The following PLBD1 variants were observed in gnomAD, a reference collection of about 807,000 sequenced individuals.
The protein encoded by PLBD1 is lysosomal leucine aminopeptidase.
Under a neutral mutation model 63.0 loss-of-function variants are expected in PLBD1, and 60 were observed. The ratio of observed to expected loss-of-function variants is 0.95; its 90% CI spans 0.77 to 1.18. The LOEUF (loss-of-function observed/expected upper bound fraction) is 1.18, where lower values mean the gene tolerates loss of function less well. PLBD1 is among the 50% of genes most tolerant of loss of function. The pLI is 0.00. For missense variants in PLBD1, 598 were observed against 677.9 expected (o/e 0.88, Z 1.31); for synonymous variants, 262 against 248.0 (o/e 1.06, Z -0.53).
chr12:14,561,264 T>C (rs11056028), intron 1 of PLBD1, among the ~76,000 whole-genome samples: 17,276 of 151,686 alleles, frequency 0.11, 1,461 homozygotes, highest in South Asian at 0.33. Context: ...AGATCTGGAA[T>C]GATCCCTTTC....
intron 2 of PLBD1, among the ~76,000 whole-genome samples, chr12:14,549,612 C>T (rs538265401): frequency 2.6e-4 from 40 of 152,266 alleles, no homozygotes; most frequent in African/African-American, 9.6e-4. Context: ...CCCCATTTGC[C>T]TTTTGAAACC....
At chr12:14,566,934 A>G (rs1945791698) in intron 1 of PLBD1, among the ~76,000 whole-genome samples, 4 of 152,174 alleles carry the variant, frequency 2.6e-5, no homozygotes, top group African/African-American at 9.7e-5. Context: ...GTCTCTACTA[A>G]TAATGCACAA....
chr12:14,516,981 G>A (rs1365664774), intron 6 of PLBD1, among the ~76,000 whole-genome samples: 1 of 152,120 alleles, frequency 6.6e-6, no homozygotes, highest in Non-Finnish European at 1.5e-5. Flanking sequence ...AGAGGTTGCA[G>A]TGAGCTGAGA....
chr12:14,507,223 G>A, intron 8 of PLBD1, 105 bp from the exon 9 acceptor site: 7 of 859,974 alleles, frequency 8.1e-6, no homozygotes, highest in South Asian at 5.5e-5. Flanking sequence ...TTTTGAAAAT[G>A]GGCACAGGCA....
At chr12:14,551,428 T>G (rs1945658587) in intron 2 of PLBD1, among the ~76,000 whole-genome samples, 1 of 152,234 alleles carries the variant, frequency 6.6e-6, no homozygotes, top group African/African-American at 2.4e-5. Context: ...GAATGGCTTT[T>G]TCTATAGATT....
intron 6 of PLBD1, among the ~76,000 whole-genome samples, chr12:14,534,789 A>C (rs1338335392): frequency 6.6e-6 from 1 of 151,962 alleles, no homozygotes; most frequent in Non-Finnish European, 1.5e-5. Context: ...TGATCCGCCC[A>C]CCTTGGCCTC....
chr12:14,514,514 G>T (rs913208783), intron 6 of PLBD1, among the ~76,000 whole-genome samples: 2 of 152,140 alleles, frequency 1.3e-5, no homozygotes, highest in African/African-American at 4.8e-5. Context: ...TTCATTTAAA[G>T]GCAAGATTCT....
chr12:14,560,567 G>A (rs887189764), intron 1 of PLBD1, among the ~76,000 whole-genome samples: 1 of 152,166 alleles, frequency 6.6e-6, no homozygotes, highest in Non-Finnish European at 1.5e-5. Context: ...CCTTGGCATT[G>A]CACTTGCCTT....
Position 14,567,583 on chromosome 12 carries a change from T to C in PLBD1, c.114A>G (p.Ala38=). 1 of 1,500,772 alleles carries C rather than the reference T, an allele frequency of 6.7e-7. No homozygotes were observed. The highest frequency in any genetic ancestry group is 8.8e-7 in the Non-Finnish European group (1 of 1,132,688). 93.0% of individuals were successfully genotyped at this position (1,500,772 alleles called of 1,614,324 possible). A position where few individuals can be genotyped will look rare whatever the true frequency, so the allele number is the denominator to read the frequency against. ...LLVTAEPPKP[A]GVYYATAYWM... ...CCGCCCAGGGCGCGCTCTGCTCACC[T>C]GCAGGTTTCGGCGGCTCCGCGGTGA... Residue 38 remains alanine (A), a splice_region_variant and synonymous_variant, in exon 1 of 11, where the codon GCA becomes GCG. Transcript: ENST00000240617.
chr12:14,513,379 G>T (rs1250724975), intron 6 of PLBD1, among the ~76,000 whole-genome samples: 2 of 152,038 alleles, frequency 1.3e-5, no homozygotes, highest in Non-Finnish European at 1.5e-5. Flanking sequence ...TAATGTTTTT[G>T]TTTTTTCCCA....
At chr12:14,520,735 G>T (rs1037025243) in intron 6 of PLBD1, among the ~76,000 whole-genome samples, 1 of 152,116 alleles carries the variant, frequency 6.6e-6, no homozygotes, top group Non-Finnish European at 1.5e-5. Context: ...AGTCAAGGTC[G>T]GTATGAAACC....
intron 6 of PLBD1, among the ~76,000 whole-genome samples, chr12:14,515,400 A>C (rs1945329575): frequency 6.6e-6 from 1 of 152,052 alleles, no homozygotes; most frequent in Non-Finnish European, 1.5e-5. Flanking sequence ...GAATCAAAGA[A>C]AGGTACTTAA....
intron 2 of PLBD1, among the ~76,000 whole-genome samples, chr12:14,545,194 C>T (rs919156407): frequency 1.3e-5 from 2 of 152,176 alleles, no homozygotes; most frequent in African/African-American, 4.8e-5. Context: ...CCACCCCACA[C>T]CCCCAAGCTT....
intron 2 of PLBD1, among the ~76,000 whole-genome samples, chr12:14,546,686 T>A (rs997437177): frequency 6.6e-6 from 1 of 152,144 alleles, no homozygotes; most frequent in African/African-American, 2.4e-5. Context: ...CAGAACAGCT[T>A]ACCACAGCAA....
chr12:14,545,889 T>C (rs796441134), intron 2 of PLBD1, among the ~76,000 whole-genome samples: 6 of 152,346 alleles, frequency 3.9e-5, no homozygotes, highest in African/African-American at 1.2e-4. Flanking sequence ...ATATAGTTTA[T>C]GCTGTCACAT....
chr12:14,553,375 T>C lies in PLBD1; in HGVS notation c.153A>G (p.Glu51=), dbSNP rs762329592. Residue 51 remains glutamate, a synonymous_variant, in exon 2 of 11, where the codon GAA becomes GAG. Transcript: ENST00000240617. Reference sequence around the variant, plus strand: ...TTACATTTTTGACTTGTACTGTCTTTTCAGCAGGCATCCAGTATGCAGTTG... The same window carrying C: ...TTACATTTTTGACTTGTACTGTCTTCTCAGCAGGCATCCAGTATGCAGTTG... ...YYATAYWMPA[E]KTVQVKNVMD... is the part of the protein sequence containing the mutation. The C allele has an allele frequency of 1.9e-6, 3 of 1,614,098 alleles. No individual in the cohort carries two copies. The African/African-American group carries it at 4.0e-5, about 22-fold the overall frequency.
chr12:14,506,366 G>GA lies in PLBD1; in HGVS notation c.1373-99dup, dbSNP rs1945256273. 3 of 840,732 alleles carry GA rather than the reference G, an allele frequency of 3.6e-6. No individual in the cohort carries two copies. The African/African-American group carries it at 5.1e-5, about 14-fold the overall frequency. 52.1% of individuals were successfully genotyped at this position (840,732 alleles called of 1,614,324 possible). A position where few individuals can be genotyped will look rare whatever the true frequency, so the allele number is the denominator to read the frequency against. The stretch of plus-strand genomic sequence containing the variant: ...AGGCCTGTTAAAGCCTAGATAATCA[G>GA]AGAGTGTACTCCCACAGGCCTCCTC... On this transcript the variant is annotated intron_variant, in intron 9 of 10. Coordinates refer to ENST00000240617, the MANE Select transcript of PLBD1 (RefSeq NM_024829.6).
intron 6 of PLBD1, among the ~76,000 whole-genome samples, chr12:14,525,717 A>G (rs7953270): frequency 3.2e-4 from 3 of 9,512 alleles, no homozygotes; most frequent in African/African-American, 4.1e-4. Context: ...ACACACACGC[A>G]CACACACACT....
intron 6 of PLBD1, among the ~76,000 whole-genome samples, chr12:14,535,449 T>A (rs142951063): frequency 0.015 from 2,234 of 152,344 alleles, 24 homozygotes; most frequent in Non-Finnish European, 0.022. Flanking sequence ...TGTCTTCTAT[T>A]TGGCAATTCT....
Sources: allele counts gnomAD v4.1 joint callset (sites outside exome capture counted in the v4.1 genomes callset), GRCh38; gene constraint gnomAD v4.1.1; transcripts MANE v1.5; gene names NCBI Gene and HGNC (gene_info 2026-07-23, HGNC 2026-07-21).